ALMS1: variants seen among roughly 807,000 people sequenced by gnomAD.
ALMS1 encodes centrosome-associated protein ALMS1.
ALMS1 carries 271 observed loss-of-function variants against 352.2 expected under a neutral mutation model. The observed-to-expected ratio is 0.77, with a 90% CI of 0.70 to 0.85. The LOEUF (loss-of-function observed/expected upper bound fraction) is 0.85, where lower values mean the gene tolerates loss of function less well. Ranked by LOEUF, ALMS1 falls within the 40% of genes least tolerant of loss-of-function variation. The probability of loss-of-function intolerance (pLI) is 0.00; values close to 1 mark genes in which losing one functional copy is unlikely to be tolerated. For missense variants in ALMS1, 5,445 were observed against 4,870.7 expected (o/e 1.12, Z -3.51); for synonymous variants, 1,865 against 1,761.2 (o/e 1.06, Z -1.48).
At chr2:73,528,675 T>A (rs1414682205) in intron 11 of ALMS1, among the ~76,000 whole-genome samples, 2 of 146,546 alleles carry the variant, frequency 1.4e-5, no homozygotes, top group Admixed American at 1.3e-4. Flanking sequence ...TTTTTTGCAT[T>A]CATTCAACCA....
chr2:73,437,059 A>C lies in ALMS1; in HGVS notation c.1432+4768A>C, dbSNP rs76357246. On this transcript the variant is annotated intron_variant, in intron 7 of 22. Transcript: ENST00000613296. ...TGATATTTTTGTTGTTTCGTTATTTAGTGTCTGGTTTGGATTAGTTCTTAA... is the reference window on the plus strand; with the variant it reads ...TGATATTTTTGTTGTTTCGTTATTTCGTGTCTGGTTTGGATTAGTTCTTAA... Among the ~76,000 whole-genome samples, 121 of 151,888 alleles carry C rather than the reference A, an allele frequency of 8.0e-4. 2 individuals carry two copies. In the East Asian group the frequency reaches 0.022, roughly 27 times the overall value.
chr2:73,515,271 G>A (rs1308729213), intron 10 of ALMS1, among the ~76,000 whole-genome samples: 1 of 151,912 alleles, frequency 6.6e-6, no homozygotes, highest in Admixed American at 6.6e-5. Context: ...TTAATAGATT[G>A]TAGTTTTCTG....
chr2:73,589,226 A>AAGTT (rs1553420388), intron 16 of ALMS1, among the ~76,000 whole-genome samples: 5 of 151,840 alleles, frequency 3.3e-5, no homozygotes, highest in Admixed American at 6.5e-5. Context: ...TAAACACAAA[A>AAGTT]AGTTATAAGC....
At chr2:73,587,460 G>A (rs760857010) in intron 16 of ALMS1, among the ~76,000 whole-genome samples, 4 of 152,116 alleles carry the variant, frequency 2.6e-5, no homozygotes, top group South Asian at 2.1e-4. Context: ...TTTCTATGCC[G>A]ATTTTGCTGA....
intron 12 of ALMS1, among the ~76,000 whole-genome samples, chr2:73,546,775 C>T (rs1006759270): frequency 6.6e-6 from 1 of 152,148 alleles, no homozygotes; most frequent in African/African-American, 2.4e-5. Context: ...CAGAAAAGAG[C>T]TTGATGCATT....
chr2:73,603,411 CATT>C, intron 21 of ALMS1, 107 bp downstream of exon 21: 1 of 952,626 alleles, frequency 1.0e-6, no homozygotes, highest in Non-Finnish European at 1.6e-6. Context: ...CAAGTTTAAA[CATT>C]ATGAGAAAGT....
At chr2:73,469,334 C>G (rs1231056547) in intron 9 of ALMS1, among the ~76,000 whole-genome samples, 1 of 151,822 alleles carries the variant, frequency 6.6e-6, no homozygotes, top group Non-Finnish European at 1.5e-5. Context: ...GCATTAAAAT[C>G]TAGATTTGGA....
At chr2:73,578,212 G>C (rs969804850) in intron 16 of ALMS1, among the ~76,000 whole-genome samples, 1 of 151,926 alleles carries the variant, frequency 6.6e-6, no homozygotes, top group Non-Finnish European at 1.5e-5. Context: ...CTCTCTTTTG[G>C]GTAACTATTT....
At chr2:73,570,618 A>G (rs1674907231) in intron 15 of ALMS1, among the ~76,000 whole-genome samples, 1 of 129,710 alleles carries the variant, frequency 7.7e-6, no homozygotes, top group Non-Finnish European at 1.6e-5. Context: ...TACATACTAA[A>G]TGATGTTTTC....
At chr2:73,517,058 A>G (rs1673573126) in intron 10 of ALMS1, among the ~76,000 whole-genome samples, 1 of 151,988 alleles carries the variant, frequency 6.6e-6, no homozygotes, top group South Asian at 2.1e-4. Flanking sequence ...CATACCACCA[A>G]AAAAAGGGAA....
chr2:73,424,725 A>G lies in ALMS1; in HGVS notation c.1060A>G (p.Thr354Ala). Residue 354 changes from threonine to alanine, a missense_variant, in exon 5 of 23, where the codon ACA becomes GCA. Physicochemically the swap from Thr to Ala is moderately conservative, Grantham distance 58 (BLOSUM62 0). Transcript: ENST00000613296. Reference protein sequence around the residue: ...SYMSWKTRKDTQWPENNLADK... With the variant: ...SYMSWKTRKDAQWPENNLADK... ...TATGTCATGGAAGACACGAAAAGAT[A>G]CACAGTGGCCTGAAAACAATTTAGC... 1 of 1,614,162 alleles carries G rather than the reference A, an allele frequency of 6.2e-7. No individual in the cohort carries two copies. The highest frequency in any genetic ancestry group is 8.5e-7 in the Non-Finnish European group (1 of 1,180,020).
In ALMS1 at chr2:73,603,287, G is replaced by T; in HGVS notation, c.12345G>T (p.Met4115Ile). ...QKNKPISKKE[M>I]IQRSKRIYEQ... ...ACAAGCCTATCAGCAAGAAGGAAAT[G>T]ATTCAGAGGTCCAAACGGTAAGACC... The change falls in exon 21 of 23, where the codon ATG becomes ATT. Residue 4115 changes from methionine to isoleucine, a missense_variant. Physicochemically the swap from Met to Ile is conservative, Grantham distance 10. Coordinates refer to ENST00000613296, the MANE Select transcript of ALMS1 (RefSeq NM_001378454.1). 6.2e-7 allele frequency: 1 copy of T among 1,614,164 alleles called. No individual in the cohort carries two copies. Among genetic ancestry groups the T allele is most frequent in the South Asian group, 1.1e-5 (1 of 91,070 alleles).
chr2:73,447,898 C>T, intron 7 of ALMS1, 62 bp from the exon 8 acceptor site: 3 of 1,493,546 alleles, frequency 2.0e-6, no homozygotes, highest in South Asian at 1.4e-5. Flanking sequence ...GGCTTTTTTC[C>T]AGCACATAGA....
chr2:73,409,424 T>C (rs1240464072), intron 2 of ALMS1, among the ~76,000 whole-genome samples: 1 of 152,148 alleles, frequency 6.6e-6, no homozygotes, highest in Non-Finnish European at 1.5e-5. Context: ...CAGGACTCTT[T>C]ATATTCTTCA....
chr2:73,398,691 G>T (rs1670814194), intron 1 of ALMS1, among the ~76,000 whole-genome samples: 1 of 151,844 alleles, frequency 6.6e-6, no homozygotes, highest in African/African-American at 2.4e-5. Context: ...TTATTTCTTG[G>T]GTTGTTAATG....
intron 1 of ALMS1, among the ~76,000 whole-genome samples, chr2:73,399,959 A>G (rs957801841): frequency 7.7e-5 from 10 of 129,988 alleles, no homozygotes; most frequent in Admixed American, 3.5e-4. Flanking sequence ...TTTTTTTGAG[A>G]CAGGGTCTGG....
Position 73,451,134 on chromosome 2 carries a change from T to A in ALMS1, c.4607T>A (p.Leu1536Gln). 6.2e-7 allele frequency: 1 copy of A among 1,613,310 alleles called. No individual in the cohort carries two copies. Among genetic ancestry groups the A allele is most frequent in the South Asian group, 1.1e-5 (1 of 91,046 alleles). ...HRAKSGSFYQLALLGSQIPEE... is the reference protein window; with the variant it reads ...HRAKSGSFYQQALLGSQIPEE... The stretch of plus-strand genomic sequence containing the variant: ...GCAAAGTCTGGCAGTTTCTACCAAC[T>A]GGCATTGCTAGGTAGTCAAATACCT... The change falls in exon 8 of 23, where the codon CTG becomes CAG. Residue 1536 changes from leucine (L) to glutamine (Q), a missense_variant. Physicochemically the swap from Leu to Gln is moderately radical, Grantham distance 113. Coordinates refer to ENST00000613296, the MANE Select transcript of ALMS1 (RefSeq NM_001378454.1).
intron 2 of ALMS1, among the ~76,000 whole-genome samples, chr2:73,409,840 C>T (rs1671042936): frequency 6.6e-6 from 1 of 152,150 alleles, no homozygotes; most frequent in African/African-American, 2.4e-5. Flanking sequence ...GCTGGAGCCC[C>T]AGGAGGGCTG....
At chr2:73,407,998 T>G (rs1456164245) in intron 1 of ALMS1, among the ~76,000 whole-genome samples, 2 of 152,230 alleles carry the variant, frequency 1.3e-5, no homozygotes, top group Non-Finnish European at 2.9e-5. Flanking sequence ...TTTTTGTGGT[T>G]GTTTCTGCTT....
Sources: gnomAD v4.1 joint callset for allele counts (sites outside exome capture counted in the v4.1 genomes callset) on GRCh38, gnomAD v4.1.1 for gene constraint, MANE v1.5 for transcripts, NCBI Gene and HGNC (gene_info 2026-07-23, HGNC 2026-07-21) for gene names.